The following SLF2 variants were observed in gnomAD, a reference collection of about 807,000 sequenced individuals.
SLF2 encodes SMC5/6 complex localization factor 2.
A neutral mutation model predicts 124.3 loss-of-function variants in SLF2; 68 were observed. The observed-to-expected ratio is 0.55, with a 90% CI of 0.45 to 0.67. The LOEUF is 0.67. Ranked by LOEUF, SLF2 falls within the 30% of genes least tolerant of loss-of-function variation. SLF2 has a pLI of 0.00. For missense variants in SLF2, 1,246 were observed against 1,373.7 expected, an observed-to-expected ratio of 0.91 and a Z score of 1.47; for synonymous variants, 480 against 478.8, an observed-to-expected ratio of 1.00 and a Z score of -0.03.
In SLF2 at chr10:100,912,966, T is replaced by A. The variant is rs1337066094; in HGVS notation, c.-145T>A. ...CCTTCCCGCTCACGCCGGAGTCACT[T>A]CCGAAGAGAGAACCGCCATGAAGAG... On this transcript the variant is annotated 5_prime_UTR_variant, in exon 1 of 20. Coordinates refer to ENST00000238961, the MANE Select transcript of SLF2 (RefSeq NM_018121.4). The A allele has an allele frequency of 2.4e-6, 2 of 839,126 alleles. No individual in the cohort carries two copies. The highest frequency in any genetic ancestry group is 3.5e-5 in the African/African-American group (2 of 57,128). The allele number at this position is 839,126 out of a possible 1,614,324, so 52.0% of individuals were successfully genotyped here. A position where few individuals can be genotyped will look rare whatever the true frequency, so the allele number is the denominator to read the frequency against.
At chr10:100,944,963 G>A (rs1464051614) in intron 12 of SLF2, among the ~76,000 whole-genome samples, 1 of 152,100 alleles carries the variant, frequency 6.6e-6, no homozygotes, top group Admixed American at 6.6e-5. Context: ...CCGGGAGGTG[G>A]AGGTTGCAGT....
intron 11 of SLF2, among the ~76,000 whole-genome samples, chr10:100,942,983 G>A: frequency 6.6e-6 from 1 of 151,738 alleles, no homozygotes; most frequent in African/African-American, 2.4e-5. Flanking sequence ...GAACTTTAGG[G>A]TATTTATGGA....
intron 13 of SLF2, 91 bp downstream of exon 13, chr10:100,945,597 C>G (rs758706382): frequency 1.9e-5 from 19 of 993,810 alleles, no homozygotes; most frequent in Non-Finnish European, 2.4e-5. Context: ...TTTCTAAACT[C>G]AAGATCTTTG....
intron 15 of SLF2, among the ~76,000 whole-genome samples, chr10:100,948,628 A>G (rs1278223613): frequency 6.6e-6 from 1 of 152,142 alleles, no homozygotes; most frequent in African/African-American, 2.4e-5. Context: ...CACGCCTGTA[A>G]TCCCAGCACT....
Position 100,923,964 on chromosome 10 carries a change from T to C in SLF2, c.974-11T>C. 6.7e-7 allele frequency: 1 copy of C among 1,493,344 alleles called. No homozygotes were observed. Among genetic ancestry groups the C allele is most frequent in the East Asian group, 2.3e-5 (1 of 43,506 alleles). 92.5% of individuals were successfully genotyped at this position (1,493,344 alleles called of 1,614,324 possible). On this transcript the variant is annotated splice_polypyrimidine_tract_variant and intron_variant, in intron 4 of 19. Coordinates refer to ENST00000238961, the MANE Select transcript of SLF2 (RefSeq NM_018121.4). The stretch of plus-strand genomic sequence containing the variant: ...ATATTTTTCACTAATCTAACAAAAA[T>C]TAAATTTTAGCAGGCTCTAAGCAGA...
intron 9 of SLF2, among the ~76,000 whole-genome samples, chr10:100,935,845 GTTTTTTTTTTTTTCTT>G (rs1849839155): frequency 1.5e-5 from 2 of 132,536 alleles, no homozygotes; most frequent in Admixed American, 1.6e-4. Flanking sequence ...GATTTTTTGG[GTTTTTTTTTTTTTCTT>G]TTTTTTTTTT....
chr10:100,938,484 AT>A, intron 10 of SLF2, 110 bp from the exon 11 acceptor site: 2 of 1,066,182 alleles, frequency 1.9e-6, no homozygotes, highest in Non-Finnish European at 2.7e-6. Context: ...AGCAGCTGTC[AT>A]TTCTATAAAA....
chr10:100,945,256 G>C (rs960406587), intron 12 of SLF2, 74 bp from the exon 13 acceptor site: 51 of 1,243,522 alleles, frequency 4.1e-5, no homozygotes, highest in Non-Finnish European at 5.4e-5. Flanking sequence ...TTGTCAAAAA[G>C]AGTTTATAAT....
rs1413965957 is a variant in SLF2 at position 100,945,446 on chromosome 10, A to G, written c.2874A>G (p.Leu958=). The G allele has an allele frequency of 6.3e-7, 1 of 1,594,778 alleles. No individual in the cohort carries two copies. Among genetic ancestry groups the G allele is most frequent in the Non-Finnish European group, 8.5e-7 (1 of 1,175,922 alleles). Residue 958 remains leucine, a synonymous_variant, in exon 13 of 20, where the codon TTA becomes TTG. Coordinates refer to ENST00000238961, the MANE Select transcript of SLF2 (RefSeq NM_018121.4). ...AAAAACAGCTGAAACAGATTCCTTT[A>G]GTAGACTTTCAAAGCCTCCTGATAA... is the stretch of plus-strand genomic sequence containing the variant. ...SLEKQLKQIP[L]VDFQSLLINL...
chr10:100,941,494 C>T (rs928415202), intron 11 of SLF2, among the ~76,000 whole-genome samples: 1 of 152,140 alleles, frequency 6.6e-6, no homozygotes. Flanking sequence ...AATTCAGATT[C>T]TCTTTTCATG....
intron 1 of SLF2, 137 bp downstream of exon 1, chr10:100,913,387 C>T (rs1849358439): frequency 1.2e-5 from 16 of 1,363,242 alleles, no homozygotes; most frequent in Non-Finnish European, 1.3e-5. Flanking sequence ...TGGCAAATCC[C>T]CGCCCCGCCT....
At chr10:100,943,241 A>C (rs1281190353) in intron 11 of SLF2, among the ~76,000 whole-genome samples, 1 of 152,250 alleles carries the variant, frequency 6.6e-6, no homozygotes, top group Non-Finnish European at 1.5e-5. Flanking sequence ...GCTCTGTGCC[A>C]GGAATTGGGG....
Position 100,924,058 on chromosome 10 carries a change from A to G in SLF2, c.1057A>G (p.Ile353Val), listed in dbSNP as rs1449150747. Residue 353 changes from isoleucine (I) to valine (V), a missense_variant, in exon 5 of 20, where the codon ATA becomes GTA. Coordinates refer to ENST00000238961, the MANE Select transcript of SLF2 (RefSeq NM_018121.4). ...TCTGAAAAGCACAAGAGAATCTATG[A>G]TACCAAAAGCAAGAGAGTCCTTCCT... ...SDLKSTRESM[I>V]PKARESFLEK... The G allele has an allele frequency of 3.7e-6, 6 of 1,609,008 alleles. No homozygotes were observed. Among genetic ancestry groups the G allele is most frequent in the Admixed American group, 1.7e-5 (1 of 58,240 alleles).
At chr10:100,934,633 GAC>G (rs1339450455) in intron 9 of SLF2, among the ~76,000 whole-genome samples, 5 of 151,296 alleles carry the variant, frequency 3.3e-5, no homozygotes, top group Admixed American at 1.3e-4. Flanking sequence ...TTTATTTTGA[GAC>G]AGAGTCTCTC....
At chr10:100,922,736 G>C (rs922341102) in intron 4 of SLF2, among the ~76,000 whole-genome samples, 12 of 151,714 alleles carry the variant, frequency 7.9e-5, no homozygotes, top group East Asian at 7.7e-4. Flanking sequence ...TGAGTAGCTG[G>C]GACTATATAG....
In SLF2 at chr10:100,956,511, G is replaced by T; in HGVS notation, c.3391G>T (p.Asp1131Tyr). 2 of 1,612,806 alleles carry T rather than the reference G, an allele frequency of 1.2e-6. No individual in the cohort carries two copies. The highest frequency in any genetic ancestry group is 1.7e-6 in the Non-Finnish European group (2 of 1,179,496). ...GCATGTTAAATGTGATATTAGGGAAGATGCAAGACTTTTTTACAGAACTAA... is the reference window on the plus strand; with the variant it reads ...GCATGTTAAATGTGATATTAGGGAATATGCAAGACTTTTTTACAGAACTAA... ...EKHVKCDIRE[D>Y]ARLFYRTKVK... Residue 1131 changes from aspartate to tyrosine, a missense_variant, in exon 18 of 20, where the codon GAT (aspartate) becomes TAT (tyrosine). This residue lies in a region of SLF2 where 535 missense variants were observed against 632.8 expected (regional missense o/e 0.85). Transcript: ENST00000238961.
rs1449133431 is a variant in SLF2 at position 100,938,581 on chromosome 10, C to G, written c.2513-14C>G. 1 of 1,599,734 alleles carries G rather than the reference C, an allele frequency of 6.3e-7. No homozygotes were observed. The highest frequency in any genetic ancestry group is 8.5e-7 in the Non-Finnish European group (1 of 1,175,082). Reference sequence around the variant, plus strand: ...CCACAGATTTAGAATGAAATGTTTTCTTCTGTTAATTAGATACCTTCAGTG... The same window carrying G: ...CCACAGATTTAGAATGAAATGTTTTGTTCTGTTAATTAGATACCTTCAGTG... On this transcript the variant is annotated splice_polypyrimidine_tract_variant and intron_variant, in intron 10 of 19. Transcript: ENST00000238961.
At chr10:100,928,107 AG>A (rs1410728540) in intron 6 of SLF2, among the ~76,000 whole-genome samples, 1 of 133,728 alleles carries the variant, frequency 7.5e-6, no homozygotes, top group Non-Finnish European at 1.6e-5. Flanking sequence ...GAGAGAGAAA[AG>A]TTGAGGATCA....
At chr10:100,936,961 ATATT>A (rs1849876028) in intron 9 of SLF2, among the ~76,000 whole-genome samples, 1 of 152,180 alleles carries the variant, frequency 6.6e-6, no homozygotes, top group African/African-American at 2.4e-5. Context: ...GTTGGGTAGA[ATATT>A]TAATCTCTCT....
Sources: gnomAD v4.1 joint callset for allele counts (sites outside exome capture counted in the v4.1 genomes callset) on GRCh38, gnomAD v4.1.1 for gene constraint, gnomAD v4.1.1 regional missense constraint, MANE v1.5 for transcripts, NCBI Gene and HGNC (gene_info 2026-07-23, HGNC 2026-07-21) for gene names.